Variants in SGCZ observed in about 807,000 individuals in gnomAD.
SGCZ encodes the protein zeta-sarcoglycan.
A neutral mutation model predicts 41.3 loss-of-function variants in SGCZ; 40 were observed. The observed-to-expected ratio is 0.97, with a 90% confidence interval of 0.75 to 1.26. The LOEUF is 1.26. SGCZ is among the 50% of genes most tolerant of loss of function. The pLI, the probability that SGCZ is intolerant of heterozygous loss-of-function variation, is 0.00. For synonymous variants in SGCZ, 206 were observed against 137.5 expected, an observed-to-expected ratio of 1.50 and a Z score of -3.49; for missense variants, 552 against 369.8, an observed-to-expected ratio of 1.49 and a Z score of -4.04.
At chr8:14,591,163 T>C (rs913102925) in intron 1 of SGCZ, among the ~76,000 whole-genome samples, 3 of 151,822 alleles carry the variant, frequency 2.0e-5, no homozygotes, top group African/African-American at 7.2e-5. Context: ...AATATGATTA[T>C]AAATAGTTGA....
chr8:14,457,753 C>T (rs1800790027), intron 2 of SGCZ, among the ~76,000 whole-genome samples: 1 of 152,212 alleles, frequency 6.6e-6, no homozygotes, highest in South Asian at 2.1e-4. Flanking sequence ...GCCCCCTGTC[C>T]AGTGGACACG....
intron 2 of SGCZ, among the ~76,000 whole-genome samples, chr8:14,381,680 G>C (rs987702186): frequency 2.6e-5 from 4 of 151,894 alleles, no homozygotes; most frequent in African/African-American, 7.3e-5. Context: ...TTGTTACTTG[G>C]GAAGCTAAGG....
chr8:14,314,286 A>G (rs988527226), intron 3 of SGCZ, among the ~76,000 whole-genome samples: 3 of 151,598 alleles, frequency 2.0e-5, no homozygotes, highest in African/African-American at 7.3e-5. Context: ...TCATAGTATT[A>G]TTTTTTTTCC....
chr8:14,643,463 G>C (rs766119358), intron 1 of SGCZ, among the ~76,000 whole-genome samples: 2 of 151,384 alleles, frequency 1.3e-5, no homozygotes, highest in Non-Finnish European at 3.0e-5. Context: ...ATTAGAAGGG[G>C]TAGAGTTTTA....
intron 1 of SGCZ, among the ~76,000 whole-genome samples, chr8:14,896,683 G>A (rs1216028036): frequency 6.6e-6 from 1 of 151,670 alleles, no homozygotes; most frequent in African/African-American, 2.4e-5. Context: ...CACCATGTTG[G>A]TCAAGGTAGT....
intron 1 of SGCZ, among the ~76,000 whole-genome samples, chr8:14,986,575 A>G (rs895569430): frequency 6.6e-6 from 1 of 152,122 alleles, no homozygotes; most frequent in Non-Finnish European, 1.5e-5. Context: ...AATCTGAAAT[A>G]GTATTTTAAT....
At chr8:14,485,883 G>C in intron 2 of SGCZ, among the ~76,000 whole-genome samples, 1 of 121,720 alleles carries the variant, frequency 8.2e-6, no homozygotes, top group East Asian at 2.7e-4. Flanking sequence ...CGCCCAGGCC[G>C]GACTGCGGAC....
intron 2 of SGCZ, among the ~76,000 whole-genome samples, chr8:14,458,335 A>T (rs1028349953): frequency 6.6e-6 from 1 of 152,216 alleles, no homozygotes; most frequent in African/African-American, 2.4e-5. Context: ...TTTACTGGAT[A>T]TCATAATGCC....
chr8:14,356,555 A>C (rs1440312605), intron 2 of SGCZ, among the ~76,000 whole-genome samples: 1 of 152,136 alleles, frequency 6.6e-6, no homozygotes, highest in African/African-American at 2.4e-5. Context: ...GTGATATAAA[A>C]AGTGTAGATG....
In SGCZ at chr8:14,386,150, T is replaced by C. The variant is rs73520243; in HGVS notation, c.235-61946A>G. 1.8e-3 allele frequency among the ~76,000 whole-genome samples: 275 copies of C among 152,250 alleles called. 2 individuals are homozygous for C. The highest frequency in any genetic ancestry group is 6.2e-3 in the African/African-American group (259 of 41,532). On this transcript the variant is annotated intron_variant, in intron 2 of 7. Coordinates refer to ENST00000382080, the MANE Select transcript of SGCZ (RefSeq NM_139167.4). ...CCACAAATACAGAGGCCCAACCATA[T>C]TACACTTGCATTTCTCAGGAAAGTG...
At chr8:15,192,738 G>A (rs1800582312) in intron 1 of SGCZ, among the ~76,000 whole-genome samples, 1 of 152,036 alleles carries the variant, frequency 6.6e-6, no homozygotes, top group South Asian at 2.1e-4. Flanking sequence ...TTCCACTGAA[G>A]TCTTCTGCCC....
Position 15,121,122 on chromosome 8 carries a change from C to T in SGCZ, c.39+116463G>A, listed in dbSNP as rs868447016. On this transcript the variant is annotated intron_variant, in intron 1 of 7. Transcript: ENST00000382080. Reference sequence around the variant, plus strand: ...AAATATAAACCAGTTAATTAGTATTCGCACTCAATGTATGATGCAATTCCA... The same window carrying T: ...AAATATAAACCAGTTAATTAGTATTTGCACTCAATGTATGATGCAATTCCA... Among the ~76,000 whole-genome samples the T allele has an allele frequency of 9.2e-5, 14 of 152,234 alleles. 1 individual carries two copies. Among genetic ancestry groups the T allele is most frequent in the South Asian group, 6.2e-4 (3 of 4,822 alleles).
chr8:14,665,857 T>C (rs1422158875), intron 1 of SGCZ, among the ~76,000 whole-genome samples: 2 of 152,192 alleles, frequency 1.3e-5, no homozygotes, highest in Non-Finnish European at 1.5e-5. Context: ...AATTCAAAAA[T>C]GACTATTAAG....
At chr8:14,320,071 T>C (rs1801864102) in intron 3 of SGCZ, among the ~76,000 whole-genome samples, 1 of 151,970 alleles carries the variant, frequency 6.6e-6, no homozygotes, top group African/African-American at 2.4e-5. Flanking sequence ...AAATATATAA[T>C]TATATACCGG....
At chr8:14,719,316 G>A (rs1422525815) in intron 1 of SGCZ, among the ~76,000 whole-genome samples, 7 of 149,856 alleles carry the variant, frequency 4.7e-5, no homozygotes, top group South Asian at 2.1e-4. Context: ...ATAAACATAC[G>A]TGTGCATGTG....
intron 4 of SGCZ, among the ~76,000 whole-genome samples, chr8:14,215,260 T>C (rs1276312269): frequency 6.6e-6 from 1 of 152,160 alleles, no homozygotes; most frequent in Non-Finnish European, 1.5e-5. Flanking sequence ...ATTTCTAAAC[T>C]ATCTATAGAC....
intron 1 of SGCZ, among the ~76,000 whole-genome samples, chr8:14,924,496 C>T (rs934049467): frequency 6.6e-6 from 1 of 151,522 alleles, no homozygotes; most frequent in Non-Finnish European, 1.5e-5. Context: ...TTGTGGTATT[C>T]TTTAATAAAG....
chr8:14,276,621 T>G (rs1024981673), intron 3 of SGCZ, among the ~76,000 whole-genome samples: 1 of 152,194 alleles, frequency 6.6e-6, no homozygotes, highest in African/African-American at 2.4e-5. Flanking sequence ...CTTGGACTGT[T>G]CTAAAAAATC....
intron 1 of SGCZ, among the ~76,000 whole-genome samples, chr8:15,167,673 G>A (rs1303787547): frequency 5.4e-5 from 3 of 55,236 alleles, no homozygotes; most frequent in South Asian, 8.2e-4. Flanking sequence ...TTATAATTTG[G>A]GATGTTTAAA....
Sources: allele counts gnomAD v4.1 joint callset (sites outside exome capture counted in the v4.1 genomes callset), GRCh38; gene constraint gnomAD v4.1.1; transcripts MANE v1.5; gene names NCBI Gene and HGNC (gene_info 2026-07-23, HGNC 2026-07-21).